The following PWWP2A variants were observed in gnomAD, a reference collection of about 807,000 sequenced individuals.
PWWP2A encodes PWWP domain containing 2A.
Under a neutral mutation model 48.5 loss-of-function variants are expected in PWWP2A, and 18 were observed. The ratio of observed to expected loss-of-function variants is 0.37; its 90% CI spans 0.26 to 0.55. The LOEUF (loss-of-function observed/expected upper bound fraction) is 0.55, where lower values mean the gene tolerates loss of function less well. Ranked by LOEUF, PWWP2A falls within the 20% of genes least tolerant of loss-of-function variation. The pLI, the probability that PWWP2A is intolerant of heterozygous loss-of-function variation, is 0.81. For synonymous variants in PWWP2A, 396 were observed against 387.7 expected, an observed-to-expected ratio of 1.02 and a Z score of -0.25; for missense variants, 867 against 976.4, an observed-to-expected ratio of 0.89 and a Z score of 1.49.
In PWWP2A at chr5:160,092,375, C is replaced by T; in HGVS notation, c.*7G>A. 1 of 1,531,042 alleles carries T rather than the reference C, an allele frequency of 6.5e-7. No homozygotes were observed. Among genetic ancestry groups the T allele is most frequent in the Non-Finnish European group, 8.8e-7 (1 of 1,138,410 alleles). 94.8% of individuals were successfully genotyped at this position (1,531,042 alleles called of 1,614,324 possible). Reference sequence around the variant, plus strand: ...TCCAATGGTCTTGCCTACCTTACTGCCCATGTTCACGTTTCAAACTGTGTC... The same window carrying T: ...TCCAATGGTCTTGCCTACCTTACTGTCCATGTTCACGTTTCAAACTGTGTC... On this transcript the variant is annotated 3_prime_UTR_variant, in exon 2 of 2. Coordinates refer to ENST00000307063, the MANE Select transcript of PWWP2A (RefSeq NM_001130864.2).
chr5:160,076,783 C>T (rs1417514699), exon 4 of PWWP2A: 1 of 152,120 alleles, frequency 6.6e-6, no homozygotes, highest in African/African-American at 2.4e-5. Flanking sequence ...AAAGTCTGAC[C>T]ACTTGAGCCA....
At chr5:160,113,452 GA>G (rs1757796575) in intron 1 of PWWP2A, 1 of 415,702 alleles carries the variant, frequency 2.4e-6, no homozygotes, top group African/African-American at 2.2e-5. Context: ...CCACACAGTA[GA>G]CAGCTCTTCC....
chr5:160,118,132 C>T (rs1244342120), intron 1 of PWWP2A, among the ~76,000 whole-genome samples: 1 of 152,172 alleles, frequency 6.6e-6, no homozygotes, highest in African/African-American at 2.4e-5. Flanking sequence ...GCTACACCAC[C>T]TTGACATTAA....
In PWWP2A at chr5:160,119,007, C is replaced by T; in HGVS notation, c.382G>A (p.Glu128Lys). Residue 128 changes from glutamate (E) to lysine (K), a missense_variant, in exon 1 of 2, where the codon GAG (glutamate) becomes AAG (lysine). Glu to Lys is a moderately conservative substitution (Grantham distance 56, BLOSUM62 1). Around this residue, in one of 4 missense-constraint regions of PWWP2A, gnomAD observed 385 missense variants for 396.9 expected, o/e 0.97. Transcript: ENST00000307063. The stretch of plus-strand genomic sequence containing the variant: ...GGCAGCGGCGGCTCCTCGCGCTCCT[C>T]GGGAGCCGGGGGCTGCTCCGGCGGC... ...ASPPEQPPAPEEREEPPLPQP... is the reference protein window; with the variant it reads ...ASPPEQPPAPKEREEPPLPQP... 7 of 1,598,856 alleles carry T rather than the reference C, an allele frequency of 4.4e-6. No homozygotes were observed. The highest frequency in any genetic ancestry group is 1.1e-5 in the South Asian group (1 of 90,044).
downstream of PWWP2A, among the ~76,000 whole-genome samples, chr5:160,075,378 C>G (rs1208382306): frequency 6.6e-6 from 1 of 152,050 alleles, no homozygotes; most frequent in Non-Finnish European, 1.5e-5. Flanking sequence ...GTACATTGAC[C>G]TAAGTTTCTG....
At position 160,080,758 on chromosome 5, in the gene PWWP2A, C is replaced by T; in HGVS notation, c.1562G>A (p.Trp521Ter). The T allele has an allele frequency of 6.4e-7, 1 of 1,557,452 alleles. No homozygotes were observed. Among genetic ancestry groups the T allele is most frequent in the South Asian group, 1.2e-5 (1 of 83,950 alleles). Residue 521 changes from tryptophan to a stop codon, truncating the protein, a stop_gained, in exon 3 of 4, where the codon TGG becomes TAG. Transcript: ENST00000456329. LOFTEE classifies it high-confidence loss of function. ...CGTCACTGTCTGATGTAATAGCTGC[C>T]ATTTGTTGAGACCTATGGTAGAAAA...
At chr5:160,108,617 G>A (rs1270524864) in intron 1 of PWWP2A, 1 of 1,277,674 alleles carries the variant, frequency 7.8e-7, no homozygotes, top group African/African-American at 1.5e-5. Flanking sequence ...CATGGTCTCT[G>A]TAAAGAAAAG....
Position 160,104,459 on chromosome 5 carries a change from C to A in PWWP2A, c.585-10394G>T, listed in dbSNP as rs186398063. The stretch of plus-strand genomic sequence containing the variant: ...AAAAAAAAAAGGACAGAGAGAGAGG[C>A]TAGTGAAGTCTTCTGTCTAGTGATG... On this transcript the variant is annotated intron_variant, in intron 1 of 1. Coordinates refer to ENST00000307063, the MANE Select transcript of PWWP2A (RefSeq NM_001130864.2). Among the ~76,000 whole-genome samples the A allele has an allele frequency of 2.6e-3, 399 of 151,814 alleles. 1 individual carries two copies. Among genetic ancestry groups the A allele is most frequent in the African/African-American group, 9.1e-3 (376 of 41,428 alleles).
downstream of PWWP2A, among the ~76,000 whole-genome samples, chr5:160,086,409 T>C (rs1754643384): frequency 6.6e-6 from 1 of 151,940 alleles, no homozygotes; most frequent in Admixed American, 6.6e-5. Context: ...TGGCCCCAAC[T>C]ATGAGGCTGA....
At chr5:160,048,197 G>A in the PWWP2A span, among the ~76,000 whole-genome samples, 2 of 125,734 alleles carry the variant, frequency 1.6e-5, no homozygotes, top group Admixed American at 1.0e-4. Flanking sequence ...GCCCGGGCTG[G>A]AGTACAGTGA....
chr5:160,071,147 C>G (rs1194289493), downstream of PWWP2A, among the ~76,000 whole-genome samples: 3 of 152,170 alleles, frequency 2.0e-5, no homozygotes, highest in South Asian at 6.2e-4. Flanking sequence ...CAAGATGGCA[C>G]CACTGCATTC....
At chr5:160,057,988 A>G (rs1757588300), downstream of PWWP2A, among the ~76,000 whole-genome samples, 1 of 152,196 alleles carries the variant, frequency 6.6e-6, no homozygotes, top group Non-Finnish European at 1.5e-5. This position sits in a 1 kb window ranked among gnomAD's most constrained non-coding sequence, Gnocchi z 4.4. Context: ...GCTGGTCTCG[A>G]ACTCCTGAAC....
rs544399107 is a variant in PWWP2A at position 160,084,811 on chromosome 5, C to G, written c.1550-4041G>C. Among the ~76,000 whole-genome samples, 3 of 152,180 alleles carry G rather than the reference C, an allele frequency of 2.0e-5. No homozygotes were observed. In the South Asian group the frequency reaches 6.2e-4, roughly 32 times the overall value. On this transcript the variant is annotated intron_variant, in intron 2 of 3. Transcript: ENST00000456329. ...TATACTCCTAAGTATCCATTTCTTT[C>G]TTTTACACTCAACTCGATGACACTT... is the stretch of plus-strand genomic sequence containing the variant.
At chr5:160,045,933 G>A in the PWWP2A span, among the ~76,000 whole-genome samples, 3 of 152,034 alleles carry the variant, frequency 2.0e-5, no homozygotes, top group Admixed American at 2.0e-4. Flanking sequence ...GGTAGAGACA[G>A]GGTTTCACCA....
intron 2 of PWWP2A, among the ~76,000 whole-genome samples, chr5:160,067,224 A>G (rs1448575383): frequency 2.6e-5 from 4 of 152,156 alleles, no homozygotes; most frequent in East Asian, 1.9e-4. Flanking sequence ...CACTGACAAG[A>G]TAACAGTGAA....
At chr5:160,100,591 A>G (rs766963655) in intron 1 of PWWP2A, among the ~76,000 whole-genome samples, 1 of 152,228 alleles carries the variant, frequency 6.6e-6, no homozygotes, top group Non-Finnish European at 1.5e-5. Context: ...ACATAGCCAG[A>G]TGGTGTCTCT....
chr5:160,088,813 C>A (rs1754841980), downstream of PWWP2A, among the ~76,000 whole-genome samples: 1 of 152,120 alleles, frequency 6.6e-6, no homozygotes, highest in Admixed American at 6.6e-5. Context: ...AAGGGAAAAC[C>A]TAATTTTAGA....
the PWWP2A span, chr5:160,049,498 T>C: frequency 6.4e-7 from 1 of 1,551,606 alleles, no homozygotes; most frequent in Non-Finnish European, 8.7e-7. Flanking sequence ...AAAAATTATT[T>C]CTTCTCTTTT....
chr5:160,066,401 A>G (rs1753611717), intron 4 of PWWP2A: 2 of 147,078 alleles, frequency 1.4e-5, no homozygotes, highest in African/African-American at 2.5e-5. Context: ...GGCTCAAGCA[A>G]TTCTCCTGCC....
Sources: gnomAD v4.1 joint callset for allele counts (sites outside exome capture counted in the v4.1 genomes callset) on GRCh38, gnomAD v4.1.1 for gene constraint, gnomAD v4.1.1 regional missense constraint, Gnocchi (gnomAD v3.1) non-coding constraint, MANE v1.5 for transcripts, NCBI Gene and HGNC (gene_info 2026-07-23, HGNC 2026-07-21) for gene names.